The following XIRP2 variants were observed in gnomAD, a reference collection of about 807,000 sequenced individuals.
XIRP2 encodes the protein xin actin-binding repeat-containing protein 2.
XIRP2 carries 236 observed loss-of-function variants against 277.0 expected under a neutral mutation model. That is an observed-to-expected ratio of 0.85 (90% CI 0.77 to 0.95). The LOEUF (loss-of-function observed/expected upper bound fraction) is 0.95. XIRP2 is among the 40% of genes least tolerant of loss of function. The pLI is 0.00. For synonymous variants in XIRP2, 1,490 were observed against 1,416.5 expected (o/e 1.05, Z -1.17); for missense variants, 4,640 against 4,157.5 (o/e 1.12, Z -3.19).
intron 2 of XIRP2, among the ~76,000 whole-genome samples, chr2:166,939,775 C>G (rs1481417047): frequency 6.6e-6 from 1 of 151,834 alleles, no homozygotes; most frequent in Non-Finnish European, 1.5e-5. Context: ...AATATTGGCC[C>G]CCACTCTCTT....
intron 2 of XIRP2, among the ~76,000 whole-genome samples, chr2:167,120,108 T>C (rs1691013674): frequency 6.6e-6 from 1 of 152,194 alleles, no homozygotes; most frequent in Non-Finnish European, 1.5e-5. Flanking sequence ...CTGGTTTCCA[T>C]TGATGTTTTT....
intron 2 of XIRP2, among the ~76,000 whole-genome samples, chr2:167,095,910 G>A (rs560202012): frequency 1.9e-5 from 2 of 105,360 alleles, no homozygotes; most frequent in East Asian, 6.0e-4. Flanking sequence ...GTCTCGCTCT[G>A]TTGCCCAGGC....
chr2:167,088,893 C>A (rs1400580677), intron 2 of XIRP2, among the ~76,000 whole-genome samples: 2 of 152,178 alleles, frequency 1.3e-5, no homozygotes, highest in Non-Finnish European at 2.9e-5. Flanking sequence ...TCTGAATTCT[C>A]ATGAATCTAA....
chr2:167,091,477 T>C (rs1690145240), intron 2 of XIRP2, among the ~76,000 whole-genome samples: 1 of 152,146 alleles, frequency 6.6e-6, no homozygotes, highest in East Asian at 1.9e-4. Flanking sequence ...ACCATCATAT[T>C]AAATACTTAA....
At chr2:167,153,621 A>C in intron 3 of XIRP2, among the ~76,000 whole-genome samples, 1 of 149,420 alleles carries the variant, frequency 6.7e-6, no homozygotes, top group Non-Finnish European at 1.5e-5. Flanking sequence ...ATGTGTTCTC[A>C]TTGTTCAATT....
chr2:167,016,745 A>G (rs562182661), intron 2 of XIRP2, among the ~76,000 whole-genome samples: 2 of 152,064 alleles, frequency 1.3e-5, no homozygotes, highest in Admixed American at 1.3e-4. Context: ...TTGAACCCAG[A>G]GGAAGGAAAG....
intron 2 of XIRP2, among the ~76,000 whole-genome samples, chr2:167,116,522 T>C (rs1015136073): frequency 2.6e-5 from 4 of 152,224 alleles, no homozygotes; most frequent in Non-Finnish European, 4.4e-5. Flanking sequence ...AACCTACCTA[T>C]GTTATTATGT....
At chr2:167,176,978 C>T (rs375505001) in intron 3 of XIRP2, among the ~76,000 whole-genome samples, 1 of 152,210 alleles carries the variant, frequency 6.6e-6, no homozygotes, top group Non-Finnish European at 1.5e-5. Flanking sequence ...AGGGACCAAG[C>T]TGATTGTGAG....
chr2:167,191,966 TA>T (rs78737783), intron 3 of XIRP2, among the ~76,000 whole-genome samples: 12,310 of 152,256 alleles, frequency 0.081, 540 homozygotes, highest in South Asian at 0.15. Flanking sequence ...CATCTTCCCC[TA>T]AAATCTGAAT....
chr2:167,187,963 G>T (rs1371045082), intron 3 of XIRP2, among the ~76,000 whole-genome samples: 1 of 152,180 alleles, frequency 6.6e-6, no homozygotes, highest in Admixed American at 6.5e-5. Flanking sequence ...GTTACAGCTT[G>T]CTCAAAGAAA....
At position 167,251,688 on chromosome 2, in the gene XIRP2, G is replaced by C. The variant is rs1477751358; in HGVS notation, c.10296G>C (p.Ser3432=). The change falls in exon 9 of 11, where the codon TCG becomes TCC. Residue 3432 remains serine, a synonymous_variant. Transcript: ENST00000409195. ...CATTTGAGAGTCAAATTGTTGAGTC[G>C]AAGATGAAAACCTCTTCATCACATA... ...MDAFESQIVE[S]KMKTSSSHSS... The C allele has an allele frequency of 2.2e-5, 36 of 1,613,280 alleles. No individual in the cohort carries two copies. The highest frequency in any genetic ancestry group is 3.1e-5 in the Non-Finnish European group (36 of 1,179,594).
At chr2:166,916,047 G>A (rs1223105691) in intron 2 of XIRP2, among the ~76,000 whole-genome samples, 1 of 152,156 alleles carries the variant, frequency 6.6e-6, no homozygotes, top group East Asian at 1.9e-4. Flanking sequence ...GTGCATCAAT[G>A]ATTAAATAGG....
intron 1 of XIRP2, among the ~76,000 whole-genome samples, chr2:166,902,546 A>ATT (rs1206473506): frequency 6.6e-6 from 1 of 151,962 alleles, no homozygotes; most frequent in African/African-American, 2.4e-5. Flanking sequence ...GGAAGTAGCT[A>ATT]TTTCTGTGGC....
chr2:166,905,853 A>G (rs1419558488), intron 2 of XIRP2, among the ~76,000 whole-genome samples: 1 of 151,986 alleles, frequency 6.6e-6, no homozygotes, highest in Admixed American at 6.6e-5. Flanking sequence ...TAGGCATGTA[A>G]AAAGAATTCT....
At chr2:167,195,560 T>TG (rs1693477933) in intron 3 of XIRP2, among the ~76,000 whole-genome samples, 2 of 152,130 alleles carry the variant, frequency 1.3e-5, no homozygotes, top group African/African-American at 4.8e-5. Context: ...ACAGCATCTG[T>TG]GAAAAGATGG....
intron 2 of XIRP2, among the ~76,000 whole-genome samples, chr2:167,088,108 A>C (rs1046488065): frequency 6.6e-6 from 1 of 152,132 alleles, no homozygotes; most frequent in South Asian, 2.1e-4. Context: ...AAAGAATAGG[A>C]AGTATAGTTG....
intron 2 of XIRP2, among the ~76,000 whole-genome samples, chr2:167,034,701 C>T (rs1227335227): frequency 6.6e-6 from 1 of 152,168 alleles, no homozygotes; most frequent in African/African-American, 2.4e-5. Flanking sequence ...AAGGGCATTA[C>T]ATACTGATAA....
At chr2:167,167,004 T>C (rs777636304) in intron 3 of XIRP2, among the ~76,000 whole-genome samples, 2 of 152,170 alleles carry the variant, frequency 1.3e-5, no homozygotes, top group African/African-American at 4.8e-5. Context: ...GTGCCTCTCA[T>C]AGTTTGATGC....
chr2:167,058,040 T>C (rs1374355873), intron 2 of XIRP2, among the ~76,000 whole-genome samples: 1 of 147,210 alleles, frequency 6.8e-6, no homozygotes, highest in South Asian at 2.2e-4. Context: ...TTTTATTTTA[T>C]TTTATTTTAT....
Sources: gnomAD v4.1 joint callset for allele counts (sites outside exome capture counted in the v4.1 genomes callset) on GRCh38, gnomAD v4.1.1 for gene constraint, MANE v1.5 for transcripts, NCBI Gene and HGNC (gene_info 2026-07-23, HGNC 2026-07-21) for gene names.